The following MYLK variants were observed in gnomAD, a reference collection of about 807,000 sequenced individuals.
MYLK encodes myosin light chain kinase, smooth muscle.
MYLK carries 106 observed loss-of-function variants against 203.4 expected under a neutral mutation model. That is an observed-to-expected ratio of 0.52 (90% confidence interval 0.45 to 0.61). The LOEUF is 0.61. MYLK is among the 20% of genes least tolerant of loss of function. The pLI is 0.00. For synonymous variants in MYLK, 867 were observed against 959.5 expected (o/e 0.90, Z 1.78); for missense variants, 2,072 against 2,442.3 (o/e 0.85, Z 3.20).
At chr3:123,804,927 A>G (rs2065316851) in intron 3 of MYLK, among the ~76,000 whole-genome samples, 1 of 152,122 alleles carries the variant, frequency 6.6e-6, no homozygotes, top group South Asian at 2.1e-4. Flanking sequence ...CAGCTGGAAC[A>G]GGTCTTCCGC....
In MYLK at chr3:123,701,481, C is replaced by A. The variant is rs2065509154; in HGVS notation, c.2419G>T (p.Val807Leu). The change falls in exon 17 of 34, where the codon GTG becomes TTG. Residue 807 changes from valine (V) to leucine (L), a missense_variant. Coordinates refer to ENST00000360304, the MANE Select transcript of MYLK (RefSeq NM_053025.4). ...KNRVGECSCQ[V>L]SLMLQNSSAR... ...GAGCTGTTCTGTAGCATCAGTGACA[C>A]CTGGCAACTGCATTCGCCAACCCGG... 2.5e-6 allele frequency: 4 copies of A among 1,614,060 alleles called. No individual in the cohort carries two copies. Among genetic ancestry groups the A allele is most frequent in the Middle Eastern group, 1.7e-4 (1 of 5,990 alleles).
intron 27 of MYLK, among the ~76,000 whole-genome samples, chr3:123,645,426 T>C (rs1294298524): frequency 6.6e-6 from 1 of 152,214 alleles, no homozygotes; most frequent in South Asian, 2.1e-4. Flanking sequence ...ATTCCACTCA[T>C]ATCTACAGCT....
chr3:123,757,530 G>C (rs905377053), intron 4 of MYLK, among the ~76,000 whole-genome samples: 10 of 152,208 alleles, frequency 6.6e-5, no homozygotes, highest in Non-Finnish European at 1.0e-4. Context: ...GATGGAGGAA[G>C]ACCAGGAAGG....
chr3:123,684,481 A>G (rs1021785759), intron 19 of MYLK, among the ~76,000 whole-genome samples: 3 of 152,152 alleles, frequency 2.0e-5, no homozygotes, highest in Non-Finnish European at 4.4e-5. Flanking sequence ...CCTTCCTTGA[A>G]GACCAGCATT....
At chr3:123,827,636 G>A (rs1412135419) in intron 3 of MYLK, among the ~76,000 whole-genome samples, 1 of 136,266 alleles carries the variant, frequency 7.3e-6, no homozygotes, top group Non-Finnish European at 1.6e-5. Context: ...CACTAAACTG[G>A]CCTTACAAGA....
At chr3:123,776,515 G>A (rs1050077148) in intron 4 of MYLK, among the ~76,000 whole-genome samples, 5 of 152,266 alleles carry the variant, frequency 3.3e-5, no homozygotes, top group East Asian at 1.9e-4. Context: ...AAAAGGAAAC[G>A]TTGGAAACCA....
Position 123,629,508 on chromosome 3 carries a change from C to A in MYLK, c.5080G>T (p.Asp1694Tyr). The A allele has an allele frequency of 1.2e-6, 2 of 1,614,180 alleles. No homozygotes were observed. Among genetic ancestry groups the A allele is most frequent in the Non-Finnish European group, 1.7e-6 (2 of 1,180,038 alleles). ...AFDEISDDAK[D>Y]FISNLLKKDM... The stretch of plus-strand genomic sequence containing the variant: ...TTCTTCAGCAGATTGCTGATGAAAT[C>A]CTTGGCATCGTCGGAGATCTCATCG... The change falls in exon 30 of 34, where the codon GAT becomes TAT. Residue 1694 changes from aspartate (D) to tyrosine (Y), a missense_variant. By Grantham distance (160) the Asp-to-Tyr change is radical. Transcript: ENST00000360304. This position sits in a 1 kb window ranked among gnomAD's most constrained non-coding sequence, Gnocchi z 4.4.
chr3:123,788,229 C>T (rs2064618376), intron 4 of MYLK, among the ~76,000 whole-genome samples: 1 of 152,096 alleles, frequency 6.6e-6, no homozygotes, highest in Non-Finnish European at 1.5e-5. Context: ...ATAGTAGAAA[C>T]TATTTCTTGA....
intron 5 of MYLK, among the ~76,000 whole-genome samples, chr3:123,747,031 G>C (rs1190410326): frequency 6.6e-6 from 1 of 152,202 alleles, no homozygotes; most frequent in Non-Finnish European, 1.5e-5. Context: ...AACTCAGCCA[G>C]TATAAATAGA....
chr3:123,735,565 C>A lies in MYLK; in HGVS notation c.755-149G>T, dbSNP rs73860152. Reference sequence around the variant, plus strand: ...GCTGAACGTCTTTGGCCTTTGAACTCCCCCCAGCCCTAGAGTACATTGTCA... The same window carrying A: ...GCTGAACGTCTTTGGCCTTTGAACTACCCCCAGCCCTAGAGTACATTGTCA... On this transcript the variant is annotated intron_variant, in intron 8 of 33. Transcript: ENST00000360304. The A allele has an allele frequency of 0.013, 10,111 of 802,624 alleles. 516 individuals carry two copies. In the African/African-American group the frequency reaches 0.13, roughly 10 times the overall value. The allele number at this position is 802,624 out of a possible 1,614,324, so 49.7% of individuals were successfully genotyped here.
At chr3:123,620,060 G>A in intron 32 of MYLK, 147 bp downstream of exon 32, 2 of 763,398 alleles carry the variant, frequency 2.6e-6, no homozygotes, top group South Asian at 3.1e-5. Flanking sequence ...GTAATTGTCA[G>A]GGCAACCCAA....
At chr3:123,713,103 G>A (rs1258214631) in intron 13 of MYLK, among the ~76,000 whole-genome samples, 1 of 152,194 alleles carries the variant, frequency 6.6e-6, no homozygotes, top group Non-Finnish European at 1.5e-5. Context: ...GGAGATGAGT[G>A]AGTGAACTTG....
chr3:123,759,943 A>G (rs1048058632), intron 4 of MYLK, among the ~76,000 whole-genome samples: 6 of 152,174 alleles, frequency 3.9e-5, no homozygotes, highest in Non-Finnish European at 8.8e-5. Flanking sequence ...GAGACAATAC[A>G]TATCTTTTGC....
chr3:123,729,055 C>A (rs1292090490), intron 11 of MYLK, among the ~76,000 whole-genome samples: 1 of 152,136 alleles, frequency 6.6e-6, no homozygotes, highest in Non-Finnish European at 1.5e-5. Context: ...TGACAGATTC[C>A]TGAGAACTGA....
intron 4 of MYLK, among the ~76,000 whole-genome samples, chr3:123,774,346 G>T (rs540275718): frequency 9.9e-4 from 150 of 152,178 alleles, no homozygotes; most frequent in African/African-American, 2.9e-3. Context: ...GTCCTCCGGA[G>T]GCAGTTACTC....
intron 3 of MYLK, among the ~76,000 whole-genome samples, chr3:123,820,287 T>G (rs1487035774): frequency 2.0e-5 from 3 of 152,166 alleles, no homozygotes; most frequent in African/African-American, 7.2e-5. Flanking sequence ...CATGGTTGTA[T>G]GAATGGGAGC....
chr3:123,662,097 C>A (rs374062884), intron 23 of MYLK, among the ~76,000 whole-genome samples: 2 of 152,288 alleles, frequency 1.3e-5, no homozygotes. Context: ...AAAATGGAGG[C>A]ACAGACATCA....
At position 123,613,699 on chromosome 3, in the gene MYLK, C is replaced by G. The variant is rs6438805; in HGVS notation, c.*406G>C. 52,007 of 229,598 alleles carry G rather than the reference C, an allele frequency of 0.23. 9,459 individuals carry two copies. The highest frequency in any genetic ancestry group is 0.54 in the African/African-American group (23,044 of 42,554). The allele number at this position is 229,598 out of a possible 1,614,324, so 14.2% of individuals were successfully genotyped here. A position where few individuals can be genotyped will look rare whatever the true frequency, so the allele number is the denominator to read the frequency against. On this transcript the variant is annotated 3_prime_UTR_variant, in exon 34 of 34. Transcript: ENST00000360304. ...AGTCAGGGGGTGGGGAGAGAGAGGC[C>G]TCCCATCCCCAGGAACCCTCTGGGC... is the stretch of plus-strand genomic sequence containing the variant.
chr3:123,724,466 T>C (rs2062208223), intron 12 of MYLK, among the ~76,000 whole-genome samples: 1 of 152,186 alleles, frequency 6.6e-6, no homozygotes, highest in Non-Finnish European at 1.5e-5. Flanking sequence ...GGCTGCCTCC[T>C]TGAAGTCAAT....
Sources: gnomAD v4.1 joint callset for allele counts (sites outside exome capture counted in the v4.1 genomes callset) on GRCh38, gnomAD v4.1.1 for gene constraint, Gnocchi (gnomAD v3.1) non-coding constraint, MANE v1.5 for transcripts, NCBI Gene and HGNC (gene_info 2026-07-23, HGNC 2026-07-21) for gene names.